Variants in RALYL observed in about 807,000 individuals in gnomAD.
RALYL encodes the protein RALY RNA binding protein like.
In RALYL, 29 loss-of-function variants were observed where a neutral mutation model predicts 35.1. That is an observed-to-expected ratio of 0.83 (90% confidence interval 0.61 to 1.13). The LOEUF (loss-of-function observed/expected upper bound fraction) is 1.13. Among genes scored for constraint, RALYL ranks in the 50% most tolerant of loss-of-function variants. RALYL has a pLI of 0.00. For missense variants in RALYL, 359 were observed against 360.4 expected (o/e 1.00, Z 0.03); for synonymous variants, 120 against 127.6 (o/e 0.94, Z 0.40).
chr8:84,875,977 T>C (rs539678717), intron 7 of RALYL, among the ~76,000 whole-genome samples: 1 of 152,216 alleles, frequency 6.6e-6, no homozygotes, highest in East Asian at 1.9e-4. Context: ...AATCTGAAAG[T>C]GTGGGGAAGG....
intron 1 of RALYL, among the ~76,000 whole-genome samples, chr8:84,343,634 T>A (rs1410952633): frequency 6.6e-6 from 1 of 151,974 alleles, no homozygotes; most frequent in Non-Finnish European, 1.5e-5. Context: ...TTATTTATTT[T>A]ATTTCATTTT....
intron 2 of RALYL, among the ~76,000 whole-genome samples, chr8:84,695,830 T>C (rs537370700): frequency 6.6e-6 from 1 of 152,010 alleles, no homozygotes; most frequent in Non-Finnish European, 1.5e-5. Context: ...AATCAACATA[T>C]TCCACTGAAC....
chr8:84,336,576 A>C (rs1847846010), intron 1 of RALYL, among the ~76,000 whole-genome samples: 1 of 152,264 alleles, frequency 6.6e-6, no homozygotes, highest in African/African-American at 2.4e-5. Context: ...TAAAAGGATA[A>C]GTATTCTTAT....
rs1193372115 is a variant in RALYL at position 84,921,091 on chromosome 8, CT to C, written c.*181del. 4.8e-6 allele frequency: 2 copies of C among 414,162 alleles called. No homozygotes were observed. Among genetic ancestry groups the C allele is most frequent in the African/African-American group, 4.2e-5 (2 of 48,188 alleles). 25.7% of individuals were successfully genotyped at this position (414,162 alleles called of 1,614,324 possible). On this transcript the variant is annotated 3_prime_UTR_variant, in exon 9 of 9. Coordinates refer to ENST00000521268, the MANE Select transcript of RALYL (RefSeq NM_173848.7). ...AATTCCATTTCTTCTATGTTTTAAG[CT>C]GTACAATTGTCAGGTTTTTATGGTT...
intron 1 of RALYL, among the ~76,000 whole-genome samples, chr8:84,269,273 T>G (rs1833870286): frequency 6.6e-6 from 1 of 152,174 alleles, no homozygotes; most frequent in South Asian, 2.1e-4. Context: ...AATTTGAAAT[T>G]TATGGACTGG....
At chr8:84,416,104 T>A (rs1204825136) in intron 1 of RALYL, among the ~76,000 whole-genome samples, 1 of 152,246 alleles carries the variant, frequency 6.6e-6, no homozygotes, top group African/African-American at 2.4e-5. Context: ...TGACACCCTT[T>A]GGCAATGAAA....
intron 2 of RALYL, among the ~76,000 whole-genome samples, chr8:84,572,869 T>G (rs1808351771): frequency 6.6e-6 from 1 of 151,690 alleles, no homozygotes; most frequent in South Asian, 2.1e-4. Flanking sequence ...CTATTTCCTT[T>G]TTTTTCCCAA....
At chr8:84,355,752 A>C (rs1242993613) in intron 1 of RALYL, among the ~76,000 whole-genome samples, 1 of 150,250 alleles carries the variant, frequency 6.7e-6, no homozygotes, top group Non-Finnish European at 1.5e-5. Context: ...TTCTTCATTT[A>C]TGTGCAGTCA....
chr8:84,207,419 C>T (rs1818310400), intron 1 of RALYL, among the ~76,000 whole-genome samples: 1 of 151,840 alleles, frequency 6.6e-6, no homozygotes, highest in Non-Finnish European at 1.5e-5. Context: ...ATGTGAGACA[C>T]CATGGATGAA....
At chr8:84,208,141 C>CTA (rs1286636246) in intron 1 of RALYL, among the ~76,000 whole-genome samples, 1 of 152,066 alleles carries the variant, frequency 6.6e-6, no homozygotes, top group Non-Finnish European at 1.5e-5. Flanking sequence ...TTATGATACT[C>CTA]TATAAGTAAC....
intron 2 of RALYL, among the ~76,000 whole-genome samples, chr8:84,543,106 T>G (rs2060124063): frequency 6.6e-6 from 1 of 152,130 alleles, no homozygotes. Flanking sequence ...TTCCTGGAAA[T>G]TATTAATTAT....
chr8:84,194,381 G>A (rs539892454), intron 1 of RALYL, among the ~76,000 whole-genome samples: 1 of 151,818 alleles, frequency 6.6e-6, no homozygotes, highest in South Asian at 2.1e-4. Flanking sequence ...TAGGACTTTA[G>A]TCCTTTCTTT....
At chr8:84,873,539 A>T in intron 7 of RALYL, 142 bp downstream of exon 7, 1 of 464,114 alleles carries the variant, frequency 2.2e-6, no homozygotes, top group Non-Finnish European at 3.9e-6. Context: ...TTAAGCCCAG[A>T]GTTGCAATAA....
chr8:84,286,492 A>G (rs370975412), intron 1 of RALYL, among the ~76,000 whole-genome samples: 1 of 152,196 alleles, frequency 6.6e-6, no homozygotes, highest in African/African-American at 2.4e-5. Context: ...TCACATGAGG[A>G]TTGCAGCAAG....
chr8:84,806,249 C>A (rs1170331979), intron 4 of RALYL, among the ~76,000 whole-genome samples: 1 of 151,784 alleles, frequency 6.6e-6, no homozygotes, highest in African/African-American at 2.4e-5. Flanking sequence ...TTGGTCTGGC[C>A]CAAAAAAAGT....
intron 2 of RALYL, among the ~76,000 whole-genome samples, chr8:84,686,061 G>GT (rs562658330): frequency 1.3e-5 from 2 of 152,270 alleles, no homozygotes; most frequent in East Asian, 1.9e-4. Flanking sequence ...AGCTGGTGCA[G>GT]TTTTTTTGCA....
chr8:84,617,536 A>C lies in RALYL; in HGVS notation c.256+87959A>C, dbSNP rs992631791. 8.0e-5 allele frequency among the ~76,000 whole-genome samples: 12 copies of C among 150,426 alleles called. 1 individual carries two copies. Among genetic ancestry groups the C allele is most frequent in the African/African-American group, 1.5e-4 (6 of 40,120 alleles). On this transcript the variant is annotated intron_variant, in intron 2 of 8. Transcript: ENST00000521268. The stretch of plus-strand genomic sequence containing the variant: ...CTAGGTATACAATCATGTCATCTGC[A>C]AACAGGGACAATTTGACTTCCTCTT...
chr8:84,367,342 T>TAA (rs1854649447), intron 1 of RALYL, among the ~76,000 whole-genome samples: 1 of 87,668 alleles, frequency 1.1e-5, no homozygotes, highest in Non-Finnish European at 2.2e-5. Flanking sequence ...TTTTTTTTTT[T>TAA]TTTTTTTTTT....
At chr8:84,379,873 A>AG (rs1857613658) in intron 1 of RALYL, among the ~76,000 whole-genome samples, 1 of 142,984 alleles carries the variant, frequency 7.0e-6, no homozygotes, top group East Asian at 1.9e-4. Context: ...AAAAAAAAAA[A>AG]GAAAAAAACT....
Sources: allele counts gnomAD v4.1 joint callset (sites outside exome capture counted in the v4.1 genomes callset), GRCh38; gene constraint gnomAD v4.1.1; transcripts MANE v1.5; gene names NCBI Gene and HGNC (gene_info 2026-07-23, HGNC 2026-07-21).